STOX2: variants seen among roughly 807,000 people sequenced by gnomAD.
STOX2 encodes the protein storkhead box 2, also known as storkhead-box protein 2.
A neutral mutation model predicts 60.9 loss-of-function variants in STOX2; 28 were observed. The ratio of observed to expected loss-of-function variants is 0.46; its 90% CI spans 0.34 to 0.63. The LOEUF is 0.63. STOX2 is among the 30% of genes least tolerant of loss of function. STOX2 has a pLI of 0.01. For synonymous variants in STOX2, 472 were observed against 463.9 expected, an observed-to-expected ratio of 1.02 and a Z score of -0.22; for missense variants, 1,024 against 1,187.7, an observed-to-expected ratio of 0.86 and a Z score of 2.03.
In STOX2 at chr4:183,865,277, ATTAT is replaced by A. The variant is rs1464159950; in HGVS notation, c.364+67228_364+67231del. Among the ~76,000 whole-genome samples the A allele has an allele frequency of 3.3e-5, 5 of 152,136 alleles. No individual in the cohort carries two copies. The highest frequency in any genetic ancestry group is 4.4e-5 in the Non-Finnish European group (3 of 68,022). Reference sequence around the variant, plus strand: ...AGTTTATATTTTGTTTTGAAATCTGATTATTTATTCTCTCTCTTCTTAGATACTC... The same window carrying A: ...AGTTTATATTTTGTTTTGAAATCTGATTATTCTCTCTCTTCTTAGATACTC... On this transcript the variant is annotated intron_variant, in intron 1 of 2. Transcript: ENST00000513034. This position sits in a 1 kb window ranked among gnomAD's most constrained non-coding sequence, Gnocchi z 4.1.
At chr4:183,877,112 C>T (rs1740847206) in intron 1 of STOX2, among the ~76,000 whole-genome samples, 2 of 152,032 alleles carry the variant, frequency 1.3e-5, no homozygotes, top group Non-Finnish European at 2.9e-5. Flanking sequence ...TGATGAGGAC[C>T]AAAACTAAAA....
intron 1 of STOX2, among the ~76,000 whole-genome samples, chr4:183,947,709 C>T (rs1426210084): frequency 6.6e-6 from 1 of 152,168 alleles, no homozygotes; most frequent in Non-Finnish European, 1.5e-5. Flanking sequence ...CCCCTTCCTC[C>T]TTCCTGAAGA....
At chr4:183,978,821 A>T (rs1732541965) in intron 1 of STOX2, among the ~76,000 whole-genome samples, 2 of 152,188 alleles carry the variant, frequency 1.3e-5, no homozygotes, top group Non-Finnish European at 2.9e-5. Context: ...GCACAACATG[A>T]AGCAGTTCTT....
chr4:183,926,370 A>G (rs1414704836), intron 1 of STOX2, among the ~76,000 whole-genome samples: 2 of 152,228 alleles, frequency 1.3e-5, no homozygotes, highest in Non-Finnish European at 2.9e-5. Context: ...ATATTTTAGA[A>G]TTCCTGATAA....
intron 1 of STOX2, among the ~76,000 whole-genome samples, chr4:183,895,869 G>T (rs1480021557): frequency 3.3e-5 from 5 of 152,146 alleles, no homozygotes; most frequent in Non-Finnish European, 7.4e-5. Context: ...TAATAGGAAG[G>T]GCACTGTTGT....
rs1254816208 is a variant in STOX2 at position 184,011,711 on chromosome 4, A to G, written c.2585+288A>G. The stretch of plus-strand genomic sequence containing the variant: ...CAATATTTCCAGTATTTTTTCTGCT[A>G]CGTTCATATTGCCACCCATGCTAAG... On this transcript the variant is annotated intron_variant, in intron 3 of 3. Coordinates refer to ENST00000308497, the MANE Select transcript of STOX2 (RefSeq NM_020225.3). This position sits in a 1 kb window ranked among gnomAD's most constrained non-coding sequence, Gnocchi z 4.4. The G allele has an allele frequency of 5.3e-6, 6 of 1,133,566 alleles. No homozygotes were observed. The highest frequency in any genetic ancestry group is 3.3e-5 in the Admixed American group (1 of 30,516). 70.2% of individuals were successfully genotyped at this position (1,133,566 alleles called of 1,614,324 possible).
intron 1 of STOX2, among the ~76,000 whole-genome samples, chr4:183,848,409 A>C (rs2111138039): frequency 6.6e-6 from 1 of 152,324 alleles, no homozygotes; most frequent in South Asian, 2.1e-4. Flanking sequence ...TGGAACAGAA[A>C]GCCCCCGTCA....
intron 1 of STOX2, among the ~76,000 whole-genome samples, chr4:183,817,990 C>T (rs7690848): frequency 0.093 from 14,068 of 151,828 alleles, 2,083 homozygotes; most frequent in African/African-American, 0.32. Context: ...ACTGTACTTT[C>T]GGTGAGCAAG....
Position 183,977,546 on chromosome 4 carries a change from C to CGTGTGTGTGTGTGTGTGTGTGTGTGT in STOX2, c.167-23761_167-23760insGTGTGTGTGTGTGTGTGTGTGTGTGT, listed in dbSNP as rs56043761. 6.6e-3 allele frequency among the ~76,000 whole-genome samples: 977 copies of CGTGTGTGTGTGTGTGTGTGTGTGTGT among 147,868 alleles called. 11 individuals are homozygous for CGTGTGTGTGTGTGTGTGTGTGTGTGT. The highest frequency in any genetic ancestry group is 0.021 in the East Asian group (105 of 4,958). ...TTTATGGCTGAGTAGCATTCCATTT[C>CGTGTGTGTGTGTGTGTGTGTGTGTGT]GTGTGTGTGTGTGTGTGTATCACAT... On this transcript the variant is annotated intron_variant, in intron 1 of 3. Coordinates refer to ENST00000308497, the MANE Select transcript of STOX2 (RefSeq NM_020225.3).
At chr4:183,864,566 G>A (rs1160251015) in intron 1 of STOX2, among the ~76,000 whole-genome samples, 1 of 152,032 alleles carries the variant, frequency 6.6e-6, no homozygotes, top group Admixed American at 6.6e-5. Context: ...GCTAATTTTT[G>A]TATTTTTAGT....
At position 183,818,835 on chromosome 4, in the gene STOX2, G is replaced by A. The variant is rs1326766798; in HGVS notation, c.364+20780G>A. On this transcript the variant is annotated intron_variant, in intron 1 of 2. Coordinates refer to the STOX2 transcript ENST00000513034. ...GGCTCCTCACCTCCCAGACGGGGTC[G>A]CGACCGGGCAGAGGCGCTCCTCACA... Among the ~76,000 whole-genome samples, 5 of 151,622 alleles carry A rather than the reference G, an allele frequency of 3.3e-5. No homozygotes were observed. The Middle Eastern group carries it at 0.01, about 309-fold the overall frequency.
intron 3 of STOX2, chr4:184,015,451 A>G (rs3811777): frequency 0.34 from 52,462 of 152,098 alleles, 9,741 homozygotes; most frequent in East Asian, 0.63. Flanking sequence ...TCTCCCTATA[A>G]ATGGATTACC....
intron 1 of STOX2, among the ~76,000 whole-genome samples, chr4:183,957,608 A>G (rs73002653): frequency 0.022 from 3,357 of 152,268 alleles, 88 homozygotes; most frequent in African/African-American, 0.059. Context: ...ATGGTATTCT[A>G]TGCTGAACTG....
Position 183,866,159 on chromosome 4 carries a change from G to A in STOX2, c.364+68104G>A, listed in dbSNP as rs1740561818. 2.7e-5 allele frequency among the ~76,000 whole-genome samples: 4 copies of A among 149,976 alleles called. No homozygotes were observed. In the South Asian group the frequency reaches 8.5e-4, roughly 32 times the overall value. ...GCGGTGAAGGAATAATATAGGGAGG[G>A]GCCTTAAGCTCTTGTTGTCCCCCTT... On this transcript the variant is annotated intron_variant, in intron 1 of 2. Coordinates refer to the STOX2 transcript ENST00000513034.
chr4:183,945,029 G>A (rs1462297418), intron 1 of STOX2, among the ~76,000 whole-genome samples: 1 of 152,182 alleles, frequency 6.6e-6, no homozygotes. Flanking sequence ...ATATGTAAAA[G>A]TGTTTAAATG....
At chr4:183,909,862 C>T (rs541271685) in intron 1 of STOX2, among the ~76,000 whole-genome samples, 1 of 152,198 alleles carries the variant, frequency 6.6e-6, no homozygotes, top group Admixed American at 6.5e-5. Context: ...TAGCCTTGGC[C>T]TTTCCGATAC....
chr4:183,833,846 G>A (rs1453673442), intron 1 of STOX2, among the ~76,000 whole-genome samples: 1 of 151,452 alleles, frequency 6.6e-6, no homozygotes, highest in Non-Finnish European at 1.5e-5. Context: ...GCCGGGCGTG[G>A]TGGCAGGCGC....
At chr4:183,853,007 A>G (rs980927147) in intron 1 of STOX2, among the ~76,000 whole-genome samples, 2 of 152,220 alleles carry the variant, frequency 1.3e-5, no homozygotes, top group Admixed American at 6.5e-5. Flanking sequence ...TTGGAGTGGG[A>G]AAGGCAGTAT....
rs763698344 is a variant in STOX2 at position 183,865,414 on chromosome 4, C to G, written c.364+67359C>G. ...CATGAACAATTACTATAGAAACTGCCACAAACATATTAAGCACATAGAGGG... is the reference window on the plus strand; with the variant it reads ...CATGAACAATTACTATAGAAACTGCGACAAACATATTAAGCACATAGAGGG... On this transcript the variant is annotated intron_variant, in intron 1 of 2. Transcript: ENST00000513034. The surrounding 1 kb of genome is among the most constrained non-coding windows in gnomAD (Gnocchi z 4.1). Among the ~76,000 whole-genome samples, 3 of 151,968 alleles carry G rather than the reference C, an allele frequency of 2.0e-5. No individual in the cohort carries two copies. The highest frequency in any genetic ancestry group is 4.4e-5 in the Non-Finnish European group (3 of 68,014).
Sources: allele counts gnomAD v4.1 joint callset (sites outside exome capture counted in the v4.1 genomes callset), GRCh38; gene constraint gnomAD v4.1.1; non-coding constraint Gnocchi (gnomAD v3.1); transcripts MANE v1.5; gene names NCBI Gene and HGNC (gene_info 2026-07-23, HGNC 2026-07-21).